Variants in PGBD5 observed in about 807,000 individuals in gnomAD.
PGBD5 encodes the protein piggyBac transposable element-derived protein 5.
PGBD5 carries 14 observed loss-of-function variants against 47.9 expected under a neutral mutation model. The ratio of observed to expected loss-of-function variants is 0.29; its 90% confidence interval spans 0.19 to 0.46. The LOEUF (loss-of-function observed/expected upper bound fraction) is 0.46. PGBD5 is among the 20% of genes least tolerant of loss of function. The probability of loss-of-function intolerance (pLI) is 1.00; values close to 1 mark genes in which losing one functional copy is unlikely to be tolerated. For missense variants in PGBD5, 635 were observed against 716.0 expected (o/e 0.89, Z 1.29); for synonymous variants, 316 against 306.3 (o/e 1.03, Z -0.33).
intron 1 of PGBD5, among the ~76,000 whole-genome samples, chr1:230,365,051 C>T (rs1476329789): frequency 7.8e-5 from 11 of 141,660 alleles, no homozygotes; most frequent in East Asian, 2.1e-4. Flanking sequence ...TGGTGGCTCA[C>T]GCCTGTAATC....
chr1:230,399,521 C>T (rs1319227284), intron 1 of PGBD5, among the ~76,000 whole-genome samples: 2 of 152,196 alleles, frequency 1.3e-5, no homozygotes, highest in African/African-American at 2.4e-5. Flanking sequence ...GTTTACTTTA[C>T]AGGAGAAGGC....
chr1:230,368,263 T>C, intron 1 of PGBD5: 1 of 1,211,540 alleles, frequency 8.3e-7, no homozygotes, highest in Non-Finnish European at 1.1e-6. Flanking sequence ...AATAAATTCT[T>C]AGAAATGTGT....
Position 230,392,927 on chromosome 1 carries a change from CAAGAG to C in PGBD5, c.331+32666_331+32670del, listed in dbSNP as rs542033292. 4.7e-5 allele frequency among the ~76,000 whole-genome samples: 7 copies of C among 150,432 alleles called. No individual in the cohort carries two copies. The East Asian group carries it at 1.4e-3, about 29-fold the overall frequency. On this transcript the variant is annotated intron_variant, in intron 1 of 6. Transcript: ENST00000391860. ...GCAGACAGCTCTCCAACCCCAGCTG[CAAGAG>C]AAGAGGAACTGGAGGGAGAGGCACA...
In PGBD5 at chr1:230,425,424, G is replaced by A. The variant is rs555022977; in HGVS notation, c.331+174C>T. 6.6e-6 allele frequency among the ~76,000 whole-genome samples: 1 copy of A among 152,240 alleles called. No homozygotes were observed. Among genetic ancestry groups the A allele is most frequent in the South Asian group, 2.1e-4 (1 of 4,816 alleles). On this transcript the variant is annotated intron_variant, in intron 1 of 6. Transcript: ENST00000391860. This position sits in a 1 kb window ranked among gnomAD's most constrained non-coding sequence, Gnocchi z 4.7. ...CCTTACCCTCTCCACCCACGGGTTC[G>A]GAGCCCCCAGGAGCAGTCAGACCGA...
intron 1 of PGBD5, among the ~76,000 whole-genome samples, chr1:230,399,030 G>A (rs1339449446): frequency 6.8e-6 from 1 of 147,802 alleles, no homozygotes; most frequent in Non-Finnish European, 1.5e-5. Context: ...TCAAAGTCTT[G>A]TTTCTTGGCA....
At chr1:230,407,187 GAA>G (rs891209095) in intron 1 of PGBD5, among the ~76,000 whole-genome samples, 1 of 152,150 alleles carries the variant, frequency 6.6e-6, no homozygotes, top group African/African-American at 2.4e-5. Flanking sequence ...AGAGCTTGAA[GAA>G]AAGAGTTACA....
At chr1:230,327,422 G>C (rs1667138304) in intron 5 of PGBD5, among the ~76,000 whole-genome samples, 2 of 152,154 alleles carry the variant, frequency 1.3e-5, no homozygotes, top group African/African-American at 2.4e-5. Context: ...CACTGAGCCG[G>C]ACTCTTTCCT....
chr1:230,347,105 A>G (rs72763868), intron 3 of PGBD5, among the ~76,000 whole-genome samples: 10,885 of 152,302 alleles, frequency 0.071, 704 homozygotes, highest in African/African-American at 0.17. Flanking sequence ...GCATTGCCCC[A>G]GCCCTCTAGT....
intron 3 of PGBD5, 74 bp downstream of exon 3, chr1:230,350,884 A>C: frequency 1.3e-6 from 2 of 1,562,650 alleles, no homozygotes; most frequent in Middle Eastern, 4.2e-4. Flanking sequence ...TGGGTATCAG[A>C]TGAGCCCAAG....
At chr1:230,380,498 T>C (rs1217406942) in intron 1 of PGBD5, among the ~76,000 whole-genome samples, 1 of 152,192 alleles carries the variant, frequency 6.6e-6, no homozygotes, top group Non-Finnish European at 1.5e-5. Flanking sequence ...CACTACCGTC[T>C]TGGGCAGAAC....
At chr1:230,421,701 A>G (rs1281632379) in intron 1 of PGBD5, among the ~76,000 whole-genome samples, 1 of 152,220 alleles carries the variant, frequency 6.6e-6, no homozygotes, top group Admixed American at 6.5e-5. Context: ...CTGTGCAGCC[A>G]CTGCAAGATG....
intron 1 of PGBD5, among the ~76,000 whole-genome samples, chr1:230,414,071 G>A (rs1228298917): frequency 6.6e-6 from 1 of 152,178 alleles, no homozygotes; most frequent in Admixed American, 6.5e-5. Context: ...ATGTGACTTA[G>A]GTTAGTCGTT....
intron 3 of PGBD5, among the ~76,000 whole-genome samples, chr1:230,344,051 C>T (rs1187449927): frequency 1.3e-5 from 2 of 152,114 alleles, no homozygotes; most frequent in South Asian, 2.1e-4. Context: ...TTTGAGAGGC[C>T]GAGGCGGGCA....
chr1:230,419,342 A>C (rs887096717), intron 1 of PGBD5, among the ~76,000 whole-genome samples: 6 of 152,214 alleles, frequency 3.9e-5, no homozygotes, highest in Non-Finnish European at 8.8e-5. Flanking sequence ...TCACTTAGAA[A>C]TGGGAGTTAA....
intron 1 of PGBD5, among the ~76,000 whole-genome samples, chr1:230,384,332 AGAG>A (rs983755579): frequency 1.3e-5 from 2 of 152,104 alleles, no homozygotes; most frequent in African/African-American, 2.4e-5. Flanking sequence ...TAGGGAAGGG[AGAG>A]GAGATCTGAG....
chr1:230,416,976 A>G (rs1262067426), intron 1 of PGBD5, among the ~76,000 whole-genome samples: 1 of 152,216 alleles, frequency 6.6e-6, no homozygotes, highest in Non-Finnish European at 1.5e-5. Context: ...TACGGTTGGC[A>G]GCAATGGCAA....
rs562077791 is a variant in PGBD5 at position 230,359,351 on chromosome 1, AC to A, written c.332-2031del. On this transcript the variant is annotated intron_variant, in intron 1 of 6. Transcript: ENST00000391860. The stretch of plus-strand genomic sequence containing the variant: ...AGTGCTGGGATTACAGGTGTGAGCC[AC>A]CGCGCCCGGCCTGTGTATCGATTGC... Among the ~76,000 whole-genome samples, 4 of 152,180 alleles carry A rather than the reference AC, an allele frequency of 2.6e-5. No individual in the cohort carries two copies. The South Asian group carries it at 8.3e-4, about 32-fold the overall frequency.
intron 3 of PGBD5, among the ~76,000 whole-genome samples, chr1:230,349,948 G>A (rs769196630): frequency 6.6e-5 from 10 of 152,248 alleles, no homozygotes; most frequent in African/African-American, 1.7e-4. Context: ...AGAAGGAGCC[G>A]AGATGGTGCT....
At chr1:230,335,958 CACAT>C (rs1389310361) in intron 4 of PGBD5, 6 of 152,074 alleles carry the variant, frequency 3.9e-5, no homozygotes, top group African/African-American at 1.5e-4. Context: ...CACAGAGACA[CACAT>C]ACACCCCTTC....
Sources: allele counts gnomAD v4.1 joint callset (sites outside exome capture counted in the v4.1 genomes callset), GRCh38; gene constraint gnomAD v4.1.1; non-coding constraint Gnocchi (gnomAD v3.1); transcripts MANE v1.5; gene names NCBI Gene and HGNC (gene_info 2026-07-23, HGNC 2026-07-21).